MCUB: variants seen among roughly 807,000 people sequenced by gnomAD.
MCUB encodes the protein calcium uniporter regulatory subunit MCUb, mitochondrial.
In MCUB, 46 loss-of-function variants were observed where a neutral mutation model predicts 41.4. The ratio of observed to expected loss-of-function variants is 1.11; its 90% CI spans 0.88 to 1.42. MCUB has a LOEUF of 1.42. Ranked by LOEUF, MCUB falls within the 40% of genes most tolerant of loss-of-function variation. The pLI is 0.00. For synonymous variants in MCUB, 148 were observed against 148.2 expected (o/e 1.00, Z 0.01); for missense variants, 403 against 404.9 (o/e 1.00, Z 0.04).
Position 109,684,310 on chromosome 4 carries a change from C to T in MCUB, c.613-133C>T, listed in dbSNP as rs1729786114. On this transcript the variant is annotated intron_variant, in intron 5 of 7. Transcript: ENST00000394650. ...ATCTCCTGACCTCGTGATCCGCCCA[C>T]CTCGGCCTCCCAGAGTGCTGAGATT... 8.3e-6 allele frequency: 5 copies of T among 604,024 alleles called. No homozygotes were observed. The East Asian group carries it at 8.9e-5, about 11-fold the overall frequency. The allele number at this position is 604,024 out of a possible 1,614,324, so 37.4% of individuals were successfully genotyped here.
At chr4:109,662,795 T>C (rs1384444072) in intron 3 of MCUB, among the ~76,000 whole-genome samples, 1 of 152,228 alleles carries the variant, frequency 6.6e-6, no homozygotes, top group East Asian at 1.9e-4. Flanking sequence ...CTTGGAAAGA[T>C]AAAGCGATTG....
intron 1 of MCUB, among the ~76,000 whole-genome samples, chr4:109,599,108 TTTAA>T: frequency 6.6e-6 from 1 of 152,360 alleles, no homozygotes. Context: ...ACAATGGATA[TTTAA>T]TTAAGCTCTG....
intron 1 of MCUB, among the ~76,000 whole-genome samples, chr4:109,608,039 G>C (rs185798295): frequency 6.6e-6 from 1 of 152,108 alleles, no homozygotes; most frequent in East Asian, 1.9e-4. Context: ...ACCCTTTGAA[G>C]CCCTTCTCTA....
chr4:109,609,659 C>T (rs1727955712), intron 1 of MCUB, among the ~76,000 whole-genome samples: 1 of 152,166 alleles, frequency 6.6e-6, no homozygotes, highest in Non-Finnish European at 1.5e-5. Flanking sequence ...TGCTCTGGTT[C>T]AGATGCCTCT....
chr4:109,664,763 G>A (rs1729307800), intron 4 of MCUB, among the ~76,000 whole-genome samples: 1 of 152,258 alleles, frequency 6.6e-6, no homozygotes, highest in East Asian at 1.9e-4. Flanking sequence ...TTTTCCAGCA[G>A]GGGTATAAGT....
At position 109,654,835 on chromosome 4, in the gene MCUB, T is replaced by TG. The variant is rs148026473; in HGVS notation, c.100-4175dup. On this transcript the variant is annotated intron_variant, in intron 1 of 7. Coordinates refer to ENST00000394650, the MANE Select transcript of MCUB (RefSeq NM_017918.5). ...ACCCACAGAACACTCTGGCAGCACATGTGTGGATATTTTCCTCATACCAAC... is the reference window on the plus strand; with the variant it reads ...ACCCACAGAACACTCTGGCAGCACATGGTGTGGATATTTTCCTCATACCAAC... Among the ~76,000 whole-genome samples the TG allele has an allele frequency of 1.8e-3, 275 of 152,328 alleles. 11 individuals are homozygous for TG. In the East Asian group the frequency reaches 0.049, roughly 27 times the overall value.
At chr4:109,629,795 T>C (rs79910767) in intron 1 of MCUB, among the ~76,000 whole-genome samples, 3,860 of 152,342 alleles carry the variant, frequency 0.025, 177 homozygotes, top group African/African-American at 0.089. Flanking sequence ...TTCAACTACC[T>C]GGAAGCTCTC....
At chr4:109,574,553 C>G (rs1230115151) in intron 1 of MCUB, among the ~76,000 whole-genome samples, 1 of 152,204 alleles carries the variant, frequency 6.6e-6, no homozygotes, top group African/African-American at 2.4e-5. Flanking sequence ...CCGTCAGTGG[C>G]TCTCTAGTGT....
intron 1 of MCUB, among the ~76,000 whole-genome samples, chr4:109,593,898 T>A (rs1727495795): frequency 6.6e-6 from 1 of 152,230 alleles, no homozygotes; most frequent in Non-Finnish European, 1.5e-5. Context: ...ATGGGCAGAA[T>A]TTAAGTCTGT....
intron 1 of MCUB, among the ~76,000 whole-genome samples, chr4:109,577,269 G>T (rs1213501106): frequency 1.3e-5 from 2 of 152,172 alleles, no homozygotes; most frequent in African/African-American, 4.8e-5. Context: ...CATTTTTAAT[G>T]ACAGAGCTAA....
At chr4:109,622,895 G>A (rs996947876) in intron 1 of MCUB, among the ~76,000 whole-genome samples, 3 of 152,168 alleles carry the variant, frequency 2.0e-5, no homozygotes, top group South Asian at 2.1e-4. Flanking sequence ...AGCCAGCCAC[G>A]CATCATGCAG....
chr4:109,624,272 A>G (rs1728315483), intron 1 of MCUB, among the ~76,000 whole-genome samples: 1 of 152,166 alleles, frequency 6.6e-6, no homozygotes, highest in African/African-American at 2.4e-5. Flanking sequence ...CAACTCATGG[A>G]CCAAGGCACA....
intron 1 of MCUB, among the ~76,000 whole-genome samples, chr4:109,630,873 G>A (rs140210607): frequency 0.011 from 1,650 of 152,240 alleles, 33 homozygotes; most frequent in African/African-American, 0.037. Flanking sequence ...GAGCCACTGC[G>A]CCTGGCCTGC....
At chr4:109,599,350 C>CA in intron 1 of MCUB, among the ~76,000 whole-genome samples, 1 of 151,154 alleles carries the variant, frequency 6.6e-6, no homozygotes, top group African/African-American at 2.4e-5. Flanking sequence ...TTGAAAACAT[C>CA]TTGGGAGTTA....
At chr4:109,648,863 A>G (rs1728897416) in intron 1 of MCUB, among the ~76,000 whole-genome samples, 1 of 152,146 alleles carries the variant, frequency 6.6e-6, no homozygotes, top group Non-Finnish European at 1.5e-5. Flanking sequence ...GAGGAGTACA[A>G]AGCAGCCTAA....
intron 1 of MCUB, among the ~76,000 whole-genome samples, chr4:109,591,553 C>A (rs1487249540): frequency 6.6e-6 from 1 of 152,050 alleles, no homozygotes; most frequent in Non-Finnish European, 1.5e-5. Flanking sequence ...AGACCTCTTT[C>A]AGTAGACTTG....
intron 1 of MCUB, among the ~76,000 whole-genome samples, chr4:109,622,549 C>G (rs1457058517): frequency 6.6e-6 from 1 of 152,124 alleles, no homozygotes; most frequent in Non-Finnish European, 1.5e-5. Context: ...TGTTTCGTTT[C>G]TTTTAGAAAT....
At chr4:109,682,849 CT>C in intron 5 of MCUB, 107 bp downstream of exon 5, 1 of 808,286 alleles carries the variant, frequency 1.2e-6, no homozygotes, top group Non-Finnish European at 1.9e-6. Context: ...TAATTTTCTC[CT>C]TTACGCCTCA....
chr4:109,687,440 G>T (rs1729872728), intron 7 of MCUB, 75 bp from the exon 8 acceptor site: 2 of 1,011,578 alleles, frequency 2.0e-6, no homozygotes, highest in African/African-American at 1.6e-5. Context: ...TAAGTTTATA[G>T]AATTCCTCTC....
Sources: gnomAD v4.1 joint callset for allele counts (sites outside exome capture counted in the v4.1 genomes callset) on GRCh38, gnomAD v4.1.1 for gene constraint, MANE v1.5 for transcripts, NCBI Gene and HGNC (gene_info 2026-07-23, HGNC 2026-07-21) for gene names.